HS3ST2: variants seen among roughly 807,000 people sequenced by gnomAD.
HS3ST2 encodes heparan sulfate-glucosamine 3-sulfotransferase 2.
In HS3ST2, 17 loss-of-function variants were observed where a neutral mutation model predicts 26.3. The ratio of observed to expected loss-of-function variants is 0.65; its 90% CI spans 0.44 to 0.97. The LOEUF is 0.97. Ranked by LOEUF, HS3ST2 falls within the 50% of genes least tolerant of loss-of-function variation. The pLI is 0.00. For synonymous variants in HS3ST2, 237 were observed against 219.2 expected (o/e 1.08, Z -0.72); for missense variants, 402 against 501.2 (o/e 0.80, Z 1.89).
At chr16:22,863,896 G>A (rs1901713069) in intron 1 of HS3ST2, among the ~76,000 whole-genome samples, 1 of 152,176 alleles carries the variant, frequency 6.6e-6, no homozygotes, top group Non-Finnish European at 1.5e-5. Context: ...TCCTTCCCGT[G>A]TTGAGTTTGG....
intron 1 of HS3ST2, among the ~76,000 whole-genome samples, chr16:22,872,825 C>T (rs1339837205): frequency 1.3e-5 from 2 of 152,150 alleles, no homozygotes; most frequent in African/African-American, 2.4e-5. Flanking sequence ...ACCTAGAGCC[C>T]TCATGTTGGT....
chr16:22,824,069 G>A (rs909688487), intron 1 of HS3ST2, among the ~76,000 whole-genome samples: 4 of 152,220 alleles, frequency 2.6e-5, no homozygotes, highest in African/African-American at 4.8e-5. Context: ...ATCTGTAGAC[G>A]TCAGTGTCAC....
At position 22,886,825 on chromosome 16, in the gene HS3ST2, A is replaced by G. The variant is rs759076052; in HGVS notation, c.486-28119A>G. ...CACCCAGGGTGAGAGCAGTGGTATG[A>G]TCATGATTCACTGCAGCCTGAAGCT... On this transcript the variant is annotated intron_variant, in intron 1 of 1. Coordinates refer to ENST00000261374, the MANE Select transcript of HS3ST2 (RefSeq NM_006043.2). Among the ~76,000 whole-genome samples, 29 of 151,818 alleles carry G rather than the reference A, an allele frequency of 1.9e-4. 1 individual carries two copies. The highest frequency in any genetic ancestry group is 4.6e-4 in the Admixed American group (7 of 15,266).
chr16:22,889,369 A>G (rs971959057), intron 1 of HS3ST2, among the ~76,000 whole-genome samples: 1 of 152,240 alleles, frequency 6.6e-6, no homozygotes, highest in African/African-American at 2.4e-5. Context: ...ATTTAATCAT[A>G]TAAGTCATTC....
intron 1 of HS3ST2, among the ~76,000 whole-genome samples, chr16:22,868,523 C>T (rs187909888): frequency 2.9e-4 from 44 of 150,696 alleles, no homozygotes; most frequent in South Asian, 6.3e-4. Context: ...TTTACTTATT[C>T]GACGTGTTAT....
intron 1 of HS3ST2, among the ~76,000 whole-genome samples, chr16:22,874,100 G>T (rs2238486): frequency 6.6e-6 from 1 of 151,948 alleles, no homozygotes; most frequent in South Asian, 2.1e-4. Flanking sequence ...ACCTGGGAGG[G>T]CACTACCAGA....
Position 22,858,839 on chromosome 16 carries a change from A to T in HS3ST2, c.485+43744A>T, listed in dbSNP as rs1168342955. ...AAGTACTATATCAGTATAATAAAGA[A>T]AGCTCAAAGTCTTACTGATCAGAAA... On this transcript the variant is annotated intron_variant, in intron 1 of 1. Coordinates refer to ENST00000261374, the MANE Select transcript of HS3ST2 (RefSeq NM_006043.2). Among the ~76,000 whole-genome samples, 3 of 152,170 alleles carry T rather than the reference A, an allele frequency of 2.0e-5. No individual in the cohort carries two copies. The East Asian group carries it at 5.8e-4, about 29-fold the overall frequency.
intron 1 of HS3ST2, among the ~76,000 whole-genome samples, chr16:22,907,708 A>G (rs1005387628): frequency 6.6e-6 from 1 of 152,270 alleles, no homozygotes; most frequent in Non-Finnish European, 1.5e-5. Context: ...TATCCAGTCT[A>G]TAGACAAGCA....
chr16:22,831,823 C>A (rs1901174477), intron 1 of HS3ST2, among the ~76,000 whole-genome samples: 1 of 152,080 alleles, frequency 6.6e-6, no homozygotes, highest in Admixed American at 6.6e-5. Flanking sequence ...AAGAGGCAGA[C>A]AAGCGAGTTT....
At chr16:22,841,391 G>T (rs1436788341) in intron 1 of HS3ST2, among the ~76,000 whole-genome samples, 1 of 152,090 alleles carries the variant, frequency 6.6e-6, no homozygotes, top group Non-Finnish European at 1.5e-5. Context: ...GGCACTACCT[G>T]CATTTCTTCC....
chr16:22,831,080 A>G (rs542347928), intron 1 of HS3ST2, among the ~76,000 whole-genome samples: 1 of 152,362 alleles, frequency 6.6e-6, no homozygotes, highest in South Asian at 2.1e-4. Flanking sequence ...AAAAACTATT[A>G]GAAAGGTGTT....
At chr16:22,838,256 G>A (rs558442504) in intron 1 of HS3ST2, among the ~76,000 whole-genome samples, 1 of 152,020 alleles carries the variant, frequency 6.6e-6, no homozygotes, top group African/African-American at 2.4e-5. Context: ...GAGCTCAAAG[G>A]GGGCTGAGGA....
At chr16:22,855,043 G>A (rs16973698) in intron 1 of HS3ST2, among the ~76,000 whole-genome samples, 9,282 of 152,118 alleles carry the variant, frequency 0.061, 994 homozygotes, top group African/African-American at 0.21. Context: ...CATGGAGTCT[G>A]CACTGAAAAA....
chr16:22,824,554 GCAAACAAACAAA>G (rs145348324), intron 1 of HS3ST2, among the ~76,000 whole-genome samples: 1 of 151,980 alleles, frequency 6.6e-6, no homozygotes, highest in Non-Finnish European at 1.5e-5. Context: ...CAAAAAGCAA[GCAAACAAACAAA>G]CAAACAAACA....
At chr16:22,843,393 C>T (rs1381032323) in intron 1 of HS3ST2, among the ~76,000 whole-genome samples, 1 of 152,188 alleles carries the variant, frequency 6.6e-6, no homozygotes, top group Non-Finnish European at 1.5e-5. Flanking sequence ...AGACTGCTCC[C>T]TCCTGCCCGC....
intron 1 of HS3ST2, among the ~76,000 whole-genome samples, chr16:22,902,841 C>T (rs770191118): frequency 1.3e-5 from 2 of 152,076 alleles, no homozygotes; most frequent in Non-Finnish European, 2.9e-5. Context: ...TCTTTATTAA[C>T]TCTTTTCTCA....
chr16:22,869,412 G>C (rs1901800982), intron 1 of HS3ST2, among the ~76,000 whole-genome samples: 1 of 152,186 alleles, frequency 6.6e-6, no homozygotes, highest in African/African-American at 2.4e-5. Flanking sequence ...TGAGATTATA[G>C]AGCAGGCCTC....
chr16:22,888,373 C>CT (rs1165585404), intron 1 of HS3ST2, among the ~76,000 whole-genome samples: 10,742 of 61,206 alleles, frequency 0.18, 589 homozygotes, highest in African/African-American at 0.3. Context: ...TCTGGCTTTT[C>CT]TTTTTTTTTT....
At chr16:22,878,285 G>T (rs1415033633) in intron 1 of HS3ST2, among the ~76,000 whole-genome samples, 1 of 152,104 alleles carries the variant, frequency 6.6e-6, no homozygotes, top group African/African-American at 2.4e-5. Context: ...AACAGTGCAG[G>T]AAATAGAAAA....
Sources: allele counts gnomAD v4.1 joint callset (sites outside exome capture counted in the v4.1 genomes callset), GRCh38; gene constraint gnomAD v4.1.1; transcripts MANE v1.5; gene names NCBI Gene and HGNC (gene_info 2026-07-23, HGNC 2026-07-21).